Variants in CEP85 observed in about 807,000 individuals in gnomAD.
CEP85 encodes centrosomal protein 85, also known as centrosomal protein of 85 kDa.
Under a neutral mutation model 93.7 loss-of-function variants are expected in CEP85, and 58 were observed. The ratio of observed to expected loss-of-function variants is 0.62; its 90% CI spans 0.50 to 0.77. CEP85 has a LOEUF of 0.77. Among genes scored for constraint, CEP85 ranks in the 30% least tolerant of loss-of-function variants. The pLI, the probability that CEP85 is intolerant of heterozygous loss-of-function variation, is 0.00. For synonymous variants in CEP85, 314 were observed against 338.6 expected (o/e 0.93, Z 0.80); for missense variants, 868 against 922.0 (o/e 0.94, Z 0.76).
chr1:26,265,903 C>T (rs896903291), intron 7 of CEP85, among the ~76,000 whole-genome samples: 1 of 151,296 alleles, frequency 6.6e-6, no homozygotes, highest in Non-Finnish European at 1.5e-5. Flanking sequence ...CATGACGAGA[C>T]TCCATCTCTA....
intron 1 of CEP85, 40 bp from the exon 2 acceptor site, chr1:26,239,722 A>T: frequency 8.3e-7 from 1 of 1,203,858 alleles, no homozygotes; most frequent in Non-Finnish European, 1.2e-6. Flanking sequence ...GGAATTAAAG[A>T]TACTTCAGAG....
chr1:26,244,284 A>G lies in CEP85; in HGVS notation c.174A>G (p.Thr58=). The G allele has an allele frequency of 3.1e-6, 5 of 1,614,100 alleles. No individual in the cohort carries two copies. Among genetic ancestry groups the G allele is most frequent in the Non-Finnish European group, 3.4e-6 (4 of 1,180,014 alleles). Residue 58 remains threonine, a synonymous_variant, in exon 3 of 14, where the codon ACA becomes ACG. Transcript: ENST00000451429. ...RCSSVADSGD[T]AIGTSCSDIA... ...CAAGTGTAGCCGACAGTGGGGACAC[A>G]GCCATTGGTACATCATGCTCAGATA...
intron 1 of CEP85, among the ~76,000 whole-genome samples, chr1:26,235,872 A>G (rs1244436521): frequency 6.6e-6 from 1 of 152,208 alleles, no homozygotes; most frequent in East Asian, 1.9e-4. Flanking sequence ...ACGCCCGGCC[A>G]CACTTAGATT....
intron 8 of CEP85, 147 bp downstream of exon 8, chr1:26,268,782 T>C: frequency 1.1e-6 from 1 of 881,476 alleles, no homozygotes; most frequent in Non-Finnish European, 1.7e-6. Context: ...ATTGTCAGAT[T>C]TGTAACCAGA....
intron 3 of CEP85, among the ~76,000 whole-genome samples, chr1:26,250,345 A>G (rs1196803284): frequency 6.6e-6 from 1 of 152,188 alleles, no homozygotes; most frequent in African/African-American, 2.4e-5. Flanking sequence ...TGAACTGTGC[A>G]TGTGAGGGAT....
At chr1:26,275,141 C>A in intron 12 of CEP85, 70 bp downstream of exon 12, 1 of 1,147,434 alleles carries the variant, frequency 8.7e-7, no homozygotes, top group Non-Finnish European at 1.3e-6. Context: ...CCCTCCCCAT[C>A]TCTACCCCAA....
chr1:26,251,485 A>G (rs1414226259), intron 3 of CEP85, among the ~76,000 whole-genome samples: 1 of 152,000 alleles, frequency 6.6e-6, no homozygotes, highest in Non-Finnish European at 1.5e-5. Context: ...TCCGGACCTC[A>G]GGTGATCCGC....
At chr1:26,267,312 C>T (rs1441751888) in intron 7 of CEP85, among the ~76,000 whole-genome samples, 1 of 152,020 alleles carries the variant, frequency 6.6e-6, no homozygotes, top group Non-Finnish European at 1.5e-5. Context: ...GCCTGTAATC[C>T]CAGCACTTTG....
At chr1:26,252,997 A>G (rs1269838421) in intron 3 of CEP85, among the ~76,000 whole-genome samples, 1 of 151,950 alleles carries the variant, frequency 6.6e-6, no homozygotes, top group African/African-American at 2.4e-5. Flanking sequence ...AACGTGCAGT[A>G]TTTGTCATTT....
chr1:26,239,667 C>T, intron 1 of CEP85, 95 bp from the exon 2 acceptor site: 1 of 800,522 alleles, frequency 1.2e-6, no homozygotes, highest in Non-Finnish European at 2.2e-6. Context: ...CTTGAATATT[C>T]TATATGGTTT....
At position 26,252,305 on chromosome 1, in the gene CEP85, G is replaced by T. The variant is rs1186656703; in HGVS notation, c.209-2866G>T. The stretch of plus-strand genomic sequence containing the variant: ...CCCAGCACTTTGGGAGGCCGAGGCG[G>T]GCGGATCACCTGAGGTTGGGAGTTC... On this transcript the variant is annotated intron_variant, in intron 3 of 13. Transcript: ENST00000451429. 1.2e-4 allele frequency among the ~76,000 whole-genome samples: 19 copies of T among 152,042 alleles called. 1 individual carries two copies. The highest frequency in any genetic ancestry group is 5.9e-5 in the Non-Finnish European group (4 of 68,034).
intron 7 of CEP85, chr1:26,263,328 CT>C: frequency 3.3e-6 from 1 of 300,224 alleles, no homozygotes; most frequent in Non-Finnish European, 6.6e-6. Context: ...TTGTATCATA[CT>C]TTTCAAAGCA....
intron 12 of CEP85, 127 bp downstream of exon 12, chr1:26,275,198 G>A: frequency 1.5e-6 from 1 of 658,380 alleles, no homozygotes; most frequent in Non-Finnish European, 2.6e-6. Flanking sequence ...TGAGCTCTGG[G>A]GGCAGAGGAA....
intron 3 of CEP85, among the ~76,000 whole-genome samples, chr1:26,247,816 T>C (rs1293448954): frequency 1.3e-5 from 2 of 151,832 alleles, no homozygotes; most frequent in African/African-American, 2.4e-5. Context: ...CAGTTTGTTT[T>C]GTTTTGTTTT....
intron 2 of CEP85, among the ~76,000 whole-genome samples, chr1:26,242,049 A>C (rs2089436773): frequency 6.6e-6 from 1 of 152,040 alleles, no homozygotes; most frequent in Non-Finnish European, 1.5e-5. Context: ...GGCATGAGCC[A>C]CTGCACCCGG....
intron 7 of CEP85, among the ~76,000 whole-genome samples, chr1:26,267,293 G>C (rs2089906867): frequency 6.6e-6 from 1 of 152,210 alleles, no homozygotes; most frequent in Non-Finnish European, 1.5e-5. Flanking sequence ...GCTGGGTGCA[G>C]TGGCTCATGC....
rs995989073 is a variant in CEP85, at chr1:26,269,597, C to A, written c.1632C>A (p.Phe544Leu). The change falls in exon 9 of 14, where the codon TTC (phenylalanine) becomes TTA (leucine). Residue 544 changes from phenylalanine to leucine, a missense_variant. Transcript: ENST00000451429. ...LESLRQREAE[F>L]SSAGHSLQDK... Reference sequence around the variant, plus strand: ...GCCTGAGGCAGAGAGAAGCAGAATTCTCCTCCGCTGGACATAGGTAAATAA... The same window carrying A: ...GCCTGAGGCAGAGAGAAGCAGAATTATCCTCCGCTGGACATAGGTAAATAA... 5 of 1,613,472 alleles carry A rather than the reference C, an allele frequency of 3.1e-6. No homozygotes were observed. The highest frequency in any genetic ancestry group is 4.2e-6 in the Non-Finnish European group (5 of 1,179,752).
intron 1 of CEP85, among the ~76,000 whole-genome samples, chr1:26,238,492 G>A (rs539707535): frequency 3.2e-4 from 49 of 151,922 alleles, no homozygotes; most frequent in African/African-American, 1.1e-3. Context: ...CACTGAGCCC[G>A]GCCGAATTGT....
intron 7 of CEP85, chr1:26,263,075 A>G (rs1557662560): frequency 6.2e-6 from 1 of 160,228 alleles, no homozygotes; most frequent in Non-Finnish European, 1.4e-5. Context: ...TTTTTCTTCA[A>G]GTGAGACTAG....
Sources: gnomAD v4.1 joint callset for allele counts (sites outside exome capture counted in the v4.1 genomes callset) on GRCh38, gnomAD v4.1.1 for gene constraint, MANE v1.5 for transcripts, NCBI Gene and HGNC (gene_info 2026-07-23, HGNC 2026-07-21) for gene names.